KIAA1328: variants seen among roughly 807,000 people sequenced by gnomAD.
KIAA1328 encodes the protein protein hinderin.
In KIAA1328, 52 loss-of-function variants were observed where a neutral mutation model predicts 68.1. The observed-to-expected ratio is 0.76, with a 90% CI of 0.61 to 0.96. The LOEUF is 0.96. KIAA1328 is among the 40% of genes least tolerant of loss of function. KIAA1328 has a pLI of 0.00. For synonymous variants in KIAA1328, 232 were observed against 239.4 expected (o/e 0.97, Z 0.28); for missense variants, 641 against 677.6 (o/e 0.95, Z 0.60).
At chr18:37,051,892 A>AT (rs550122111) in intron 6 of KIAA1328, among the ~76,000 whole-genome samples, 3 of 152,104 alleles carry the variant, frequency 2.0e-5, no homozygotes, top group Non-Finnish European at 4.4e-5. Flanking sequence ...AAATACAAAA[A>AT]TTAGCCAGGC....
chr18:37,152,650 C>A lies in KIAA1328; in HGVS notation c.1233-7550C>A, dbSNP rs1237067663. Among the ~76,000 whole-genome samples the A allele has an allele frequency of 3.9e-5, 6 of 152,212 alleles. No individual in the cohort carries two copies. In the East Asian group the frequency reaches 1.2e-3, roughly 29 times the overall value. On this transcript the variant is annotated intron_variant, in intron 7 of 9. Coordinates refer to ENST00000280020, the MANE Select transcript of KIAA1328 (RefSeq NM_020776.3). ...CGCGTTGGCAGAAGCAGCCCAGAAG[C>A]ATGTGGTGTGAGAGGAGTAGGCTGG...
intron 6 of KIAA1328, among the ~76,000 whole-genome samples, chr18:36,989,411 G>C (rs745429909): frequency 7.9e-5 from 12 of 152,200 alleles, no homozygotes; most frequent in Non-Finnish European, 1.6e-4. Flanking sequence ...GCTGTGGCCT[G>C]TCTGGACTAG....
At chr18:37,185,268 C>T (rs561848964) in intron 9 of KIAA1328, among the ~76,000 whole-genome samples, 11 of 152,236 alleles carry the variant, frequency 7.2e-5, no homozygotes, top group African/African-American at 1.4e-4. Flanking sequence ...AGCACCACCC[C>T]GTTGACAAGG....
At chr18:37,086,827 A>C (rs2057118535) in intron 7 of KIAA1328, among the ~76,000 whole-genome samples, 1 of 152,226 alleles carries the variant, frequency 6.6e-6, no homozygotes, top group Non-Finnish European at 1.5e-5. Flanking sequence ...CCCCATCACA[A>C]CTATTAGGAC....
intron 5 of KIAA1328, among the ~76,000 whole-genome samples, chr18:36,927,474 C>T (rs1385997103): frequency 1.3e-5 from 2 of 152,196 alleles, no homozygotes; most frequent in Non-Finnish European, 2.9e-5. Flanking sequence ...AAGCCAGATG[C>T]ACTGGCTCAC....
chr18:37,040,808 A>G (rs2055215950), intron 6 of KIAA1328, among the ~76,000 whole-genome samples: 10 of 151,546 alleles, frequency 6.6e-5, no homozygotes. Flanking sequence ...TTCCTTTTCA[A>G]TCCATGATTT....
Position 37,131,499 on chromosome 18 carries a change from A to C in KIAA1328, c.1233-28701A>C, listed in dbSNP as rs147846451. Among the ~76,000 whole-genome samples, 1,473 of 152,220 alleles carry C rather than the reference A, an allele frequency of 9.7e-3. 12 individuals carry two copies. Among genetic ancestry groups the C allele is most frequent in the Middle Eastern group, 0.037 (11 of 294 alleles). The stretch of plus-strand genomic sequence containing the variant: ...TATATAGTTTGTTTTTTCATGCCTG[A>C]GTGATTATTATATATATTCATATTT... On this transcript the variant is annotated intron_variant, in intron 7 of 9. Transcript: ENST00000280020.
At chr18:36,899,614 T>C (rs2048971490) in intron 5 of KIAA1328, among the ~76,000 whole-genome samples, 1 of 151,998 alleles carries the variant, frequency 6.6e-6, no homozygotes, top group Non-Finnish European at 1.5e-5. Flanking sequence ...ATGATATGTA[T>C]CTGGACTGCA....
At chr18:37,100,587 T>G (rs2057579059) in intron 7 of KIAA1328, among the ~76,000 whole-genome samples, 2 of 152,172 alleles carry the variant, frequency 1.3e-5, no homozygotes, top group Non-Finnish European at 2.9e-5. Context: ...AGACTCCACC[T>G]CTGGGGGCAG....
At chr18:37,195,116 C>T (rs2059978758) in intron 9 of KIAA1328, among the ~76,000 whole-genome samples, 1 of 152,068 alleles carries the variant, frequency 6.6e-6, no homozygotes, top group Admixed American at 6.6e-5. Flanking sequence ...AAAGAATTCC[C>T]AATTCTTTTC....
At chr18:37,043,466 C>A (rs576764972) in intron 6 of KIAA1328, among the ~76,000 whole-genome samples, 2 of 152,146 alleles carry the variant, frequency 1.3e-5, no homozygotes, top group Non-Finnish European at 2.9e-5. Flanking sequence ...GGGTTTGTCT[C>A]CCCTGCAACA....
intron 5 of KIAA1328, among the ~76,000 whole-genome samples, chr18:36,891,487 A>G (rs1297294225): frequency 6.6e-6 from 1 of 152,128 alleles, no homozygotes; most frequent in Admixed American, 6.6e-5. Context: ...GAGTCCCCAA[A>G]GTCCGTTATA....
At chr18:37,090,045 C>T (rs987882588) in intron 7 of KIAA1328, among the ~76,000 whole-genome samples, 1 of 152,122 alleles carries the variant, frequency 6.6e-6, no homozygotes, top group South Asian at 2.1e-4. Flanking sequence ...AGCATTTATG[C>T]AGGAAGGCAG....
At chr18:37,059,937 G>A (rs1427620799) in intron 6 of KIAA1328, among the ~76,000 whole-genome samples, 10 of 145,992 alleles carry the variant, frequency 6.8e-5, no homozygotes, top group African/African-American at 2.0e-4. Context: ...ACTAACACAG[G>A]AACAGAAAAC....
chr18:37,179,910 T>G (rs558210155), intron 9 of KIAA1328, among the ~76,000 whole-genome samples: 1 of 152,198 alleles, frequency 6.6e-6, no homozygotes, highest in African/African-American at 2.4e-5. Flanking sequence ...GGTCAGACAC[T>G]ATTTCGTTTC....
intron 4 of KIAA1328, among the ~76,000 whole-genome samples, chr18:36,853,069 A>G (rs768477436): frequency 3.9e-5 from 6 of 152,124 alleles, no homozygotes; most frequent in Non-Finnish European, 7.4e-5. Flanking sequence ...TTTAAAGCCT[A>G]TTTGTTTGAT....
At chr18:37,181,986 T>G (rs975433907) in intron 9 of KIAA1328, among the ~76,000 whole-genome samples, 7 of 152,220 alleles carry the variant, frequency 4.6e-5, no homozygotes, top group African/African-American at 1.7e-4. Context: ...TCTTGGCCCA[T>G]ATGACATAAA....
chr18:36,893,861 C>T (rs1439383257), intron 5 of KIAA1328, among the ~76,000 whole-genome samples: 1 of 151,994 alleles, frequency 6.6e-6, no homozygotes, highest in African/African-American at 2.4e-5. Context: ...ATCTCAAGGA[C>T]GTCATATATT....
chr18:37,096,390 C>T (rs1018031852), intron 7 of KIAA1328, among the ~76,000 whole-genome samples: 9 of 152,118 alleles, frequency 5.9e-5, no homozygotes, highest in African/African-American at 2.2e-4. Flanking sequence ...ATCCATGTCC[C>T]TACAAAGGAC....
Sources: gnomAD v4.1 joint callset for allele counts (sites outside exome capture counted in the v4.1 genomes callset) on GRCh38, gnomAD v4.1.1 for gene constraint, MANE v1.5 for transcripts, NCBI Gene and HGNC (gene_info 2026-07-23, HGNC 2026-07-21) for gene names.